The following RPH3AL variants were observed in gnomAD, a reference collection of about 807,000 sequenced individuals.
The protein encoded by RPH3AL is rabphilin 3A like (without C2 domains).
A neutral mutation model predicts 43.1 loss-of-function variants in RPH3AL; 38 were observed. The observed-to-expected ratio is 0.88, with a 90% CI of 0.68 to 1.15. RPH3AL has a LOEUF of 1.15. Ranked by LOEUF, RPH3AL falls within the 50% of genes most tolerant of loss-of-function variation. The pLI is 0.00. For missense variants in RPH3AL, 462 were observed against 423.2 expected (o/e 1.09, Z -0.81); for synonymous variants, 189 against 176.3 (o/e 1.07, Z -0.57).
At position 321,379 on chromosome 17, in the gene RPH3AL, C is replaced by T. The variant is rs371085293; in HGVS notation, c.114G>A (p.Thr38=). 257 of 1,611,008 alleles carry T rather than the reference C, an allele frequency of 1.6e-4. No individual in the cohort carries two copies. The highest frequency in any genetic ancestry group is 8.2e-4 in the Middle Eastern group (5 of 6,082). ...QTGWSVHTYQ[T]EKQRRKQHLS... is the part of the protein sequence containing the mutation. ...GGTGCTGCTTCCTCCTCTGCTTCTC[C>T]GTCTGGTAGGTGTGCACGGACCAGC... The change falls in exon 4 of 10, where the codon ACG becomes ACA. Residue 38 remains threonine (T), a synonymous_variant. Coordinates refer to ENST00000331302, the MANE Select transcript of RPH3AL (RefSeq NM_006987.4).
At chr17:237,376 A>G (rs2041423498) in intron 7 of RPH3AL, among the ~76,000 whole-genome samples, 1 of 152,150 alleles carries the variant, frequency 6.6e-6, no homozygotes, top group Non-Finnish European at 1.5e-5. Flanking sequence ...ACAGACCTTG[A>G]AGGGAACCGG....
chr17:237,309 C>T (rs1478430489), intron 7 of RPH3AL, among the ~76,000 whole-genome samples: 1 of 152,198 alleles, frequency 6.6e-6, no homozygotes, highest in Non-Finnish European at 1.5e-5. Context: ...CTTAAAACTC[C>T]CCACCTGGAA....
chr17:247,218 G>A lies in RPH3AL; in HGVS notation c.506C>T (p.Pro169Leu). The A allele has an allele frequency of 6.2e-7, 1 of 1,613,330 alleles. No homozygotes were observed. Among genetic ancestry groups the A allele is most frequent in the Non-Finnish European group, 8.5e-7 (1 of 1,179,640 alleles). ...GAAGTGGGGGTCATCAGCTCGGCCA[G>A]GGGTCTTCAGGGGCAAGATATACTT... is the stretch of plus-strand genomic sequence containing the variant. ...LPKYILPLKT[P>L]GRADDPHFRP... The change falls in exon 7 of 10, where the codon CCT (proline) becomes CTT (leucine). Residue 169 changes from proline to leucine, a missense_variant. By Grantham distance (98) the Pro-to-Leu change is moderately conservative. Transcript: ENST00000331302.
chr17:314,469 C>T (rs899413574), intron 5 of RPH3AL, among the ~76,000 whole-genome samples: 1 of 131,160 alleles, frequency 7.6e-6, no homozygotes, highest in Non-Finnish European at 1.7e-5. Flanking sequence ...GTCTCTATGC[C>T]CCCACCTCCA....
intron 5 of RPH3AL, among the ~76,000 whole-genome samples, chr17:315,900 T>G (rs1166670127): frequency 1.2e-5 from 1 of 80,172 alleles, no homozygotes; most frequent in Non-Finnish European, 2.4e-5. Context: ...TCCCTGTGAC[T>G]CCACCTCCAC....
intron 5 of RPH3AL, among the ~76,000 whole-genome samples, chr17:304,066 GA>G (rs1477401872): frequency 0.17 from 617 of 3,704 alleles, 140 homozygotes; most frequent in South Asian, 0.42. Context: ...AATAATTATT[GA>G]GCAGTGACCG....
intron 5 of RPH3AL, among the ~76,000 whole-genome samples, chr17:318,381 C>CT (rs2044360646): frequency 6.6e-6 from 1 of 152,038 alleles, no homozygotes; most frequent in South Asian, 2.1e-4. Flanking sequence ...GACTCCGTCT[C>CT]TGGGGGTGGA....
rs1356830008 is a variant in RPH3AL at position 346,984 on chromosome 17, C to T, written c.-213+5728G>A. 5.2e-5 allele frequency among the ~76,000 whole-genome samples: 7 copies of T among 135,752 alleles called. 1 individual carries two copies. Among genetic ancestry groups the T allele is most frequent in the Admixed American group, 2.1e-4 (3 of 14,118 alleles). The allele number at this position is 135,752 out of a possible 152,430, so 89.1% of individuals were successfully genotyped here. A position where few individuals can be genotyped will look rare whatever the true frequency, so the allele number is the denominator to read the frequency against. Reference sequence around the variant, plus strand: ...CTGTAAAATGGCCCAGCCGGCCAGGCGCGGTGGCTCACGCCTGTAATCCCA... The same window carrying T: ...CTGTAAAATGGCCCAGCCGGCCAGGTGCGGTGGCTCACGCCTGTAATCCCA... On this transcript the variant is annotated intron_variant, in intron 1 of 9. Transcript: ENST00000331302.
At chr17:324,148 C>T (rs1024900527) in intron 3 of RPH3AL, among the ~76,000 whole-genome samples, 13 of 152,174 alleles carry the variant, frequency 8.5e-5, no homozygotes, top group South Asian at 2.1e-4. Flanking sequence ...GCAGGAATCT[C>T]GGGTTGGCCT....
At position 345,775 on chromosome 17, in the gene RPH3AL, G is replaced by A. The variant is rs762054991; in HGVS notation, c.-213+6937C>T. On this transcript the variant is annotated intron_variant, in intron 1 of 9. Coordinates refer to ENST00000331302, the MANE Select transcript of RPH3AL (RefSeq NM_006987.4). The stretch of plus-strand genomic sequence containing the variant: ...CTGCGTGCACACCCTGCTGGGGCAC[G>A]CGTGCTCCCCATCTGCATGCACACC... Among the ~76,000 whole-genome samples, 19 of 130,096 alleles carry A rather than the reference G, an allele frequency of 1.5e-4. 5 individuals are homozygous for A. The South Asian group carries it at 2.3e-3, about 16-fold the overall frequency. The allele number at this position is 130,096 out of a possible 152,430, so 85.3% of individuals were successfully genotyped here.
At chr17:279,906 G>A (rs72806011) in intron 6 of RPH3AL, among the ~76,000 whole-genome samples, 7,895 of 152,232 alleles carry the variant, frequency 0.052, 284 homozygotes, top group Non-Finnish European at 0.079. Context: ...CAGTCTTACT[G>A]AATTCTCGCA....
intron 5 of RPH3AL, among the ~76,000 whole-genome samples, chr17:293,044 G>C (rs2043083229): frequency 6.6e-6 from 1 of 152,170 alleles, no homozygotes; most frequent in Non-Finnish European, 1.5e-5. Context: ...AGGGGAACCA[G>C]CCACTCAGGG....
Position 274,643 on chromosome 17 carries a change from C to T in RPH3AL, c.438+7125G>A, listed in dbSNP as rs1340881701. 1.3e-5 allele frequency among the ~76,000 whole-genome samples: 2 copies of T among 152,174 alleles called. No individual in the cohort carries two copies. Among genetic ancestry groups the T allele is most frequent in the Non-Finnish European group, 2.9e-5 (2 of 68,030 alleles). ...CCTCCCTGGTTCCGACGGGCCAGGT[C>T]GCAGGAGAGTCAAAGGTGCCTCCTG... On this transcript the variant is annotated intron_variant, in intron 6 of 9. Coordinates refer to ENST00000331302, the MANE Select transcript of RPH3AL (RefSeq NM_006987.4). This position sits in a 1 kb window ranked among gnomAD's most constrained non-coding sequence, Gnocchi z 4.7.
intron 5 of RPH3AL, among the ~76,000 whole-genome samples, chr17:292,410 G>A (rs922094661): frequency 7.2e-5 from 11 of 152,132 alleles, no homozygotes; most frequent in African/African-American, 2.7e-4. Flanking sequence ...ATACTTTCTC[G>A]GGTACTTATG....
chr17:327,340 T>C, intron 3 of RPH3AL, 127 bp downstream of exon 3: 2 of 788,142 alleles, frequency 2.5e-6, no homozygotes, highest in Non-Finnish European at 4.4e-6. Flanking sequence ...GAGTGTGGCA[T>C]GCATCCGACA....
Position 321,295 on chromosome 17 carries a change from G to T in RPH3AL, c.198C>A (p.Asp66Glu). 6.2e-7 allele frequency: 1 copy of T among 1,609,376 alleles called. No individual in the cohort carries two copies. Among genetic ancestry groups the T allele is most frequent in the Non-Finnish European group, 8.5e-7 (1 of 1,179,810 alleles). ...ACCCGATTCTCTGCTGCTCCAGGACGTCGAGCCGCTCTGCCCTCTGGATGA... is the reference window on the plus strand; with the variant it reads ...ACCCGATTCTCTGCTGCTCCAGGACTTCGAGCCGCTCTGCCCTCTGGATGA... ...LQVIQRAERL[D>E]VLEQQRIGRL... is the part of the protein sequence containing the mutation. The change falls in exon 4 of 10, where the codon GAC becomes GAA. Residue 66 changes from aspartate to glutamate, a missense_variant. Transcript: ENST00000331302.
intron 6 of RPH3AL, among the ~76,000 whole-genome samples, chr17:248,389 C>A (rs1283244456): frequency 6.6e-6 from 1 of 152,212 alleles, no homozygotes; most frequent in Non-Finnish European, 1.5e-5. Context: ...CTCCCAGGAG[C>A]CCCTCTTGAC....
At chr17:238,864 T>C (rs1247715468) in intron 7 of RPH3AL, among the ~76,000 whole-genome samples, 1 of 152,120 alleles carries the variant, frequency 6.6e-6, no homozygotes, top group African/African-American at 2.4e-5. Context: ...GGTGCCGCCA[T>C]TTACACCTCA....
intron 6 of RPH3AL, among the ~76,000 whole-genome samples, chr17:251,738 C>A (rs979144660): frequency 2.0e-5 from 3 of 152,230 alleles, no homozygotes; most frequent in Non-Finnish European, 4.4e-5. Context: ...CAAAAGGCCA[C>A]GGGGGCCATG....
Sources: gnomAD v4.1 joint callset for allele counts (sites outside exome capture counted in the v4.1 genomes callset) on GRCh38, gnomAD v4.1.1 for gene constraint, Gnocchi (gnomAD v3.1) non-coding constraint, MANE v1.5 for transcripts, NCBI Gene and HGNC (gene_info 2026-07-23, HGNC 2026-07-21) for gene names.